SLC7A14: variants seen among roughly 807,000 people sequenced by gnomAD.
The protein encoded by SLC7A14 is gamma-aminobutyric acid transporter SLC7A14.
In SLC7A14, 37 loss-of-function variants were observed where a neutral mutation model predicts 60.2. The ratio of observed to expected loss-of-function variants is 0.61; its 90% CI spans 0.47 to 0.81. The LOEUF (loss-of-function observed/expected upper bound fraction) is 0.81, where lower values mean the gene tolerates loss of function less well. SLC7A14 is among the 30% of genes least tolerant of loss of function. SLC7A14 has a pLI of 0.00. For synonymous variants in SLC7A14, 399 were observed against 395.8 expected (o/e 1.01, Z -0.10); for missense variants, 886 against 982.7 (o/e 0.90, Z 1.32).
In SLC7A14 at chr3:170,566,823, AG is replaced by A. The variant is rs1426331061; in HGVS notation, c.-153+19087del. 2.0e-5 allele frequency among the ~76,000 whole-genome samples: 3 copies of A among 151,384 alleles called. No homozygotes were observed. The East Asian group carries it at 5.8e-4, about 29-fold the overall frequency. ...CTTATAGTTCAGTTAAAAAAAAAAA[AG>A]AGAAAAAGAAAAGAAAAACAAAACA... On this transcript the variant is annotated intron_variant, in intron 1 of 7. Transcript: ENST00000231706.
At position 170,461,310 on chromosome 3, in the gene SLC7A14, T is replaced by C. The variant is rs973494300; in HGVS notation, c.*5745A>G. On this transcript the variant is annotated 3_prime_UTR_variant, in exon 8 of 8. Transcript: ENST00000231706. ...ACTTCCACTCACCCCTTGTGGGTTC[T>C]AAGTCCTAAAAAAAAGAACACTCTA... 6.6e-6 allele frequency: 1 copy of C among 152,226 alleles called. No homozygotes were observed. The highest frequency in any genetic ancestry group is 1.5e-5 in the Non-Finnish European group (1 of 68,038). The allele number at this position is 152,226 out of a possible 1,614,324, so 9.4% of individuals were successfully genotyped here.
intron 2 of SLC7A14, among the ~76,000 whole-genome samples, chr3:170,505,490 A>G (rs1159887490): frequency 6.6e-6 from 1 of 152,236 alleles, no homozygotes; most frequent in Non-Finnish European, 1.5e-5. Flanking sequence ...TAGGAAGGTA[A>G]CCATCTCTAG....
In SLC7A14 at chr3:170,547,660, C is replaced by G. The variant is rs1171017211; in HGVS notation, c.-152-20572G>C. Among the ~76,000 whole-genome samples, 17 of 152,190 alleles carry G rather than the reference C, an allele frequency of 1.1e-4. No individual in the cohort carries two copies. In the East Asian group the frequency reaches 3.3e-3, roughly 29 times the overall value. ...AGGAAGAGGAGGGGTTGGTCTTACTCTCTCAGGGGTAGCAAAGGTGGAAGA... is the reference window on the plus strand; with the variant it reads ...AGGAAGAGGAGGGGTTGGTCTTACTGTCTCAGGGGTAGCAAAGGTGGAAGA... On this transcript the variant is annotated intron_variant, in intron 1 of 7. Transcript: ENST00000231706.
chr3:170,538,597 G>A (rs543980401), intron 1 of SLC7A14, among the ~76,000 whole-genome samples: 10 of 152,132 alleles, frequency 6.6e-5, no homozygotes, highest in Non-Finnish European at 1.2e-4. Context: ...AACACACCCA[G>A]CCTCACTCTA....
chr3:170,491,918 C>T (rs1160405925), intron 4 of SLC7A14, among the ~76,000 whole-genome samples: 1 of 151,950 alleles, frequency 6.6e-6, no homozygotes, highest in Non-Finnish European at 1.5e-5. Flanking sequence ...CAAACTTGGC[C>T]TAACAAGACA....
chr3:170,513,173 T>TG (rs565198377), intron 2 of SLC7A14, among the ~76,000 whole-genome samples: 159 of 152,148 alleles, frequency 1.0e-3, no homozygotes, highest in African/African-American at 3.7e-3. Context: ...TTGGATACAC[T>TG]GGGGGGCTTC....
intron 4 of SLC7A14, chr3:170,496,184 C>A (rs1173200818): frequency 2.2e-5 from 20 of 903,866 alleles, no homozygotes; most frequent in Non-Finnish European, 3.4e-5. Context: ...TGGACAACAG[C>A]CTCTCCCTGG....
At chr3:170,579,526 G>A (rs1715181989) in intron 1 of SLC7A14, among the ~76,000 whole-genome samples, 1 of 152,228 alleles carries the variant, frequency 6.6e-6, no homozygotes, top group Non-Finnish European at 1.5e-5. Context: ...ATAAGAATCA[G>A]TTAATTCTAG....
At chr3:170,475,566 C>G (rs1455013199) in intron 7 of SLC7A14, among the ~76,000 whole-genome samples, 2 of 152,134 alleles carry the variant, frequency 1.3e-5, no homozygotes, top group Non-Finnish European at 2.9e-5. Context: ...AAAAACAAGT[C>G]TTTGTAATTA....
chr3:170,536,163 C>T (rs1173408695), intron 1 of SLC7A14, among the ~76,000 whole-genome samples: 1 of 152,124 alleles, frequency 6.6e-6, no homozygotes, highest in Non-Finnish European at 1.5e-5. Flanking sequence ...ACCTTGTAAA[C>T]CTGTCATGAG....
intron 7 of SLC7A14, 83 bp from the exon 8 acceptor site, chr3:170,467,460 G>C: frequency 2.9e-6 from 1 of 343,394 alleles, no homozygotes; most frequent in Non-Finnish European, 4.1e-6. Context: ...CTTCAGTGAT[G>C]AAATCAAAGC....
chr3:170,500,831 G>A (rs186869275), intron 3 of SLC7A14, among the ~76,000 whole-genome samples: 5 of 150,534 alleles, frequency 3.3e-5, no homozygotes, highest in African/African-American at 1.2e-4. Context: ...AATTTACTTA[G>A]TCACTTGCCC....
intron 1 of SLC7A14, among the ~76,000 whole-genome samples, chr3:170,556,850 A>G (rs1714497319): frequency 6.6e-6 from 1 of 152,204 alleles, no homozygotes; most frequent in African/African-American, 2.4e-5. Flanking sequence ...TGGTTTTTTC[A>G]TGTGAATTAT....
chr3:170,558,310 G>C (rs534463674), intron 1 of SLC7A14, among the ~76,000 whole-genome samples: 18 of 152,180 alleles, frequency 1.2e-4, no homozygotes, highest in Admixed American at 2.0e-4. Flanking sequence ...AGAGGTTGCA[G>C]TGAGCTGAGA....
intron 2 of SLC7A14, among the ~76,000 whole-genome samples, chr3:170,512,219 G>A (rs1038471065): frequency 2.0e-5 from 3 of 152,150 alleles, no homozygotes; most frequent in Non-Finnish European, 4.4e-5. Flanking sequence ...GGTGAGTGCC[G>A]AGAGGACCCA....
At chr3:170,572,283 T>A (rs1387279244) in intron 1 of SLC7A14, among the ~76,000 whole-genome samples, 1 of 152,164 alleles carries the variant, frequency 6.6e-6, no homozygotes, top group Non-Finnish European at 1.5e-5. Context: ...ATGGTGAGGA[T>A]CATGGTGTCA....
At chr3:170,531,533 G>A (rs796932699) in intron 1 of SLC7A14, among the ~76,000 whole-genome samples, 4 of 152,320 alleles carry the variant, frequency 2.6e-5, no homozygotes, top group East Asian at 1.9e-4. Context: ...TTCTCTTCAC[G>A]CAATTCCCCT....
chr3:170,514,505 C>T (rs563631095), intron 2 of SLC7A14, among the ~76,000 whole-genome samples: 9 of 152,316 alleles, frequency 5.9e-5, no homozygotes, highest in African/African-American at 1.7e-4. Context: ...TTATAGCACT[C>T]GTCACTGTTT....
intron 4 of SLC7A14, chr3:170,496,000 A>G (rs1712381570): frequency 1.7e-6 from 2 of 1,157,978 alleles, no homozygotes; most frequent in Non-Finnish European, 2.6e-6. Flanking sequence ...ACAGAAACGG[A>G]GAATGAATTT....
Sources: gnomAD v4.1 joint callset for allele counts (sites outside exome capture counted in the v4.1 genomes callset) on GRCh38, gnomAD v4.1.1 for gene constraint, MANE v1.5 for transcripts, NCBI Gene and HGNC (gene_info 2026-07-23, HGNC 2026-07-21) for gene names.